TGIF1: variants seen among roughly 807,000 people sequenced by gnomAD.
TGIF1 encodes the protein homeobox protein TGIF1.
A neutral mutation model predicts 19.3 loss-of-function variants in TGIF1; 4 were observed. The observed-to-expected ratio is 0.21, with a 90% CI of 0.10 to 0.47. The LOEUF is 0.47. Among genes scored for constraint, TGIF1 ranks in the 20% least tolerant of loss-of-function variants. The pLI is 0.98. For missense variants in TGIF1, 275 were observed against 341.4 expected, an observed-to-expected ratio of 0.81 and a Z score of 1.53; for synonymous variants, 122 against 129.3, an observed-to-expected ratio of 0.94 and a Z score of 0.38.
upstream of TGIF1, chr18:3,448,440 G>T (rs2082790527): frequency 1.4e-5 from 14 of 992,832 alleles, no homozygotes; most frequent in Non-Finnish European, 1.6e-5. Context: ...TGATTCATCT[G>T]CAGCCAGGTC....
chr18:3,450,226 G>C lies in TGIF1; in HGVS notation c.-264G>C. 1.4e-6 allele frequency: 2 copies of C among 1,415,368 alleles called. No homozygotes were observed. The highest frequency in any genetic ancestry group is 1.8e-6 in the Non-Finnish European group (2 of 1,088,358). 87.7% of individuals were successfully genotyped at this position (1,415,368 alleles called of 1,614,324 possible). On this transcript the variant is annotated 5_prime_UTR_variant, in exon 1 of 3. Coordinates refer to ENST00000343820, the MANE Select transcript of TGIF1 (RefSeq NM_003244.4). Reference sequence around the variant, plus strand: ...GGAGCAGGGAACAAAGGAGCGGAGAGGGGAGGGGAGAGAGTTGGGCGAGGG... The same window carrying C: ...GGAGCAGGGAACAAAGGAGCGGAGACGGGAGGGGAGAGAGTTGGGCGAGGG...
intron 2 of TGIF1, among the ~76,000 whole-genome samples, chr18:3,438,657 T>C (rs1218636103): frequency 7.1e-6 from 1 of 140,588 alleles, no homozygotes; most frequent in African/African-American, 2.5e-5. Context: ...CATTACTTTT[T>C]CTAAAAGTTA....
intron 1 of TGIF1, chr18:3,455,648 C>T (rs948171820): frequency 1.3e-5 from 2 of 152,554 alleles, no homozygotes; most frequent in African/African-American, 4.8e-5. Flanking sequence ...AAACTGAAAA[C>T]ATCAGTGGTC....
In TGIF1 at chr18:3,459,771, G is replaced by A. The variant is rs2143441689; in HGVS notation, c.*1831G>A. ...CTGTAAGTCACCTTAAATTCCCTATGTTTTACTTCATTTTTTCCCTATTGA... is the reference window on the plus strand; with the variant it reads ...CTGTAAGTCACCTTAAATTCCCTATATTTTACTTCATTTTTTCCCTATTGA... On this transcript the variant is annotated 3_prime_UTR_variant, in exon 3 of 3. Transcript: ENST00000343820. 1 of 152,236 alleles carries A rather than the reference G, an allele frequency of 6.6e-6. No individual in the cohort carries two copies. Among genetic ancestry groups the A allele is most frequent in the Non-Finnish European group, 1.5e-5 (1 of 68,024 alleles). The allele number at this position is 152,236 out of a possible 1,614,324, so 9.4% of individuals were successfully genotyped here.
intron 2 of TGIF1, among the ~76,000 whole-genome samples, chr18:3,429,459 C>CAA (rs74270573): frequency 7.4e-6 from 1 of 134,998 alleles, no homozygotes; most frequent in Non-Finnish European, 1.6e-5. Flanking sequence ...ACATTCCAAG[C>CAA]AAAAAAAAAA....
At position 3,450,465 on chromosome 18, in the gene TGIF1, C is replaced by T. The variant is rs1482761625; in HGVS notation, c.-25C>T. ...TGGCCCCTCCAGACCCCCGCCTTGC[C>T]TCGCGCTGGGAGGGGAGATCCAGAA... On this transcript the variant is annotated 5_prime_UTR_variant, in exon 1 of 3. Coordinates refer to ENST00000343820, the MANE Select transcript of TGIF1 (RefSeq NM_003244.4). The T allele has an allele frequency of 3.2e-6, 5 of 1,556,384 alleles. No individual in the cohort carries two copies. Among genetic ancestry groups the T allele is most frequent in the East Asian group, 2.4e-5 (1 of 41,172 alleles).
intron 1 of TGIF1, chr18:3,415,501 G>T: frequency 2.1e-6 from 1 of 465,178 alleles, no homozygotes; most frequent in South Asian, 1.5e-5. Context: ...GTTCCTGGGT[G>T]CCCAGAAGAC....
rs1475460167 is a variant in TGIF1 at position 3,457,147 on chromosome 18, G to A, written c.244-218G>A. The A allele has an allele frequency of 6.4e-6, 4 of 623,140 alleles. No individual in the cohort carries two copies. Among genetic ancestry groups the A allele is most frequent in the Non-Finnish European group, 1.1e-5 (4 of 359,352 alleles). The allele number at this position is 623,140 out of a possible 1,614,324, so 38.6% of individuals were successfully genotyped here. A position where few individuals can be genotyped will look rare whatever the true frequency, so the allele number is the denominator to read the frequency against. On this transcript the variant is annotated intron_variant, in intron 2 of 2. Coordinates refer to ENST00000343820, the MANE Select transcript of TGIF1 (RefSeq NM_003244.4). This position sits in a 1 kb window ranked among gnomAD's most constrained non-coding sequence, Gnocchi z 4.9. The stretch of plus-strand genomic sequence containing the variant: ...GGTTTAAGTATGAAGAGACAAAAAA[G>A]GAAATTTGTATTAGAAACTAGAAGG...
intron 2 of TGIF1, among the ~76,000 whole-genome samples, chr18:3,421,509 T>A (rs1271083629): frequency 6.6e-6 from 1 of 151,368 alleles, no homozygotes; most frequent in Non-Finnish European, 1.5e-5. Context: ...ACCTCCCAGG[T>A]TCAGGTGATT....
chr18:3,431,428 C>CAA (rs2082545771), intron 2 of TGIF1, among the ~76,000 whole-genome samples: 1 of 151,776 alleles, frequency 6.6e-6, no homozygotes, highest in African/African-American at 2.4e-5. Flanking sequence ...AGGAGCGAGA[C>CAA]TGTGTCTCAA....
At chr18:3,445,585 G>A (rs1038799871), upstream of TGIF1, among the ~76,000 whole-genome samples, 1 of 151,244 alleles carries the variant, frequency 6.6e-6, no homozygotes. Flanking sequence ...TTAGACGGGC[G>A]TGGTGGCAGG....
At chr18:3,437,974 C>T (rs1236010563) in intron 2 of TGIF1, among the ~76,000 whole-genome samples, 1 of 151,978 alleles carries the variant, frequency 6.6e-6, no homozygotes, top group Non-Finnish European at 1.5e-5. Flanking sequence ...ATCCCAGCCA[C>T]TTGGGAGACT....
chr18:3,441,020 T>G (rs1331298569), intron 2 of TGIF1, among the ~76,000 whole-genome samples: 1 of 152,234 alleles, frequency 6.6e-6, no homozygotes, highest in Non-Finnish European at 1.5e-5. Context: ...CTGATTTACT[T>G]TATTGTTGTA....
In TGIF1 at chr18:3,457,031, A is replaced by G. The variant is rs969878243; in HGVS notation, c.244-334A>G. The G allele has an allele frequency of 3.6e-6, 2 of 553,368 alleles. No individual in the cohort carries two copies. Among genetic ancestry groups the G allele is most frequent in the Non-Finnish European group, 6.4e-6 (2 of 313,540 alleles). The allele number at this position is 553,368 out of a possible 1,614,324, so 34.3% of individuals were successfully genotyped here. On this transcript the variant is annotated intron_variant, in intron 2 of 2. Coordinates refer to ENST00000343820, the MANE Select transcript of TGIF1 (RefSeq NM_003244.4). The surrounding 1 kb of genome is among the most constrained non-coding windows in gnomAD (Gnocchi z 4.9). ...CTTAAATGTTGGGGCAGTAGGTGATAGGTTAAAATGGGGAGAGTTAAAAAG... is the reference window on the plus strand; with the variant it reads ...CTTAAATGTTGGGGCAGTAGGTGATGGGTTAAAATGGGGAGAGTTAAAAAG...
At chr18:3,453,099 AT>A (rs796823144) in intron 1 of TGIF1, among the ~76,000 whole-genome samples, 8 of 148,652 alleles carry the variant, frequency 5.4e-5, no homozygotes, top group East Asian at 2.0e-4. Flanking sequence ...GGAGATACTG[AT>A]TTTTTTTTTC....
At chr18:3,429,176 C>T (rs1367072976) in intron 2 of TGIF1, among the ~76,000 whole-genome samples, 1 of 152,158 alleles carries the variant, frequency 6.6e-6, no homozygotes, top group Admixed American at 6.5e-5. Flanking sequence ...TGTGCCTCAG[C>T]CTCCTGAGTA....
rs1251948065 is a variant in TGIF1 at position 3,458,510 on chromosome 18, A to C, written c.*570A>C. 6.2e-6 allele frequency: 1 copy of C among 160,782 alleles called. No individual in the cohort carries two copies. The highest frequency in any genetic ancestry group is 2.4e-5 in the African/African-American group (1 of 41,462). The allele number at this position is 160,782 out of a possible 1,614,324, so 10.0% of individuals were successfully genotyped here. On this transcript the variant is annotated 3_prime_UTR_variant, in exon 3 of 3. Coordinates refer to ENST00000343820, the MANE Select transcript of TGIF1 (RefSeq NM_003244.4). ...GCAGGAAGCTGGGGGGGTAGGGTGC[A>C]GTGTTAGGGGGTGTCACCAGCTCTT... is the stretch of plus-strand genomic sequence containing the variant.
At chr18:3,436,889 C>CTG (rs1457485091) in intron 2 of TGIF1, among the ~76,000 whole-genome samples, 10 of 149,040 alleles carry the variant, frequency 6.7e-5, no homozygotes, top group Admixed American at 2.0e-4. Flanking sequence ...TGGATCATTC[C>CTG]AGGTCAGGAG....
rs1343399709 is a variant in TGIF1 at position 3,418,084 on chromosome 18, A to G, written c.-117-59A>G. On this transcript the variant is annotated intron_variant, in intron 1 of 3. Transcript: ENST00000401449. ...TATCGGTGAAGGGCCCAGTGTTACA[A>G]TGAAGCTGTACTCCACAAAGTTACT... 3.9e-5 allele frequency: 6 copies of G among 152,270 alleles called. No individual in the cohort carries two copies. In the East Asian group the frequency reaches 1.2e-3, roughly 29 times the overall value. 9.4% of individuals were successfully genotyped at this position (152,270 alleles called of 1,614,324 possible).
Sources: allele counts gnomAD v4.1 joint callset (sites outside exome capture counted in the v4.1 genomes callset), GRCh38; gene constraint gnomAD v4.1.1; non-coding constraint Gnocchi (gnomAD v3.1); transcripts MANE v1.5; gene names NCBI Gene and HGNC (gene_info 2026-07-23, HGNC 2026-07-21).